Variants in AGBL4 observed in about 807,000 individuals in gnomAD.
The protein encoded by AGBL4 is cytosolic carboxypeptidase 6.
In AGBL4, 58 loss-of-function variants were observed where a neutral mutation model predicts 66.4. That is an observed-to-expected ratio of 0.87 (90% confidence interval 0.71 to 1.09). AGBL4 has a LOEUF of 1.09. AGBL4 is among the 50% of genes least tolerant of loss of function. AGBL4 has a pLI of 0.00. For synonymous variants in AGBL4, 234 were observed against 222.9 expected, an observed-to-expected ratio of 1.05 and a Z score of -0.44; for missense variants, 579 against 631.0, an observed-to-expected ratio of 0.92 and a Z score of 0.88.
intron 3 of AGBL4, among the ~76,000 whole-genome samples, chr1:49,368,680 C>G (rs1206404725): frequency 6.6e-6 from 1 of 152,172 alleles, no homozygotes; most frequent in Non-Finnish European, 1.5e-5. Flanking sequence ...CCTATCAAAG[C>G]AATCTGTGGG....
In AGBL4 at chr1:48,583,099, G is replaced by A. The variant is rs76106447; in HGVS notation, c.1267+3905C>T. ...ACAGAAACAAGAAACTCCATCAGTGGAACGGCACATCTCCCACTGTGTGAA... is the reference window on the plus strand; with the variant it reads ...ACAGAAACAAGAAACTCCATCAGTGAAACGGCACATCTCCCACTGTGTGAA... On this transcript the variant is annotated intron_variant, in intron 11 of 13. Transcript: ENST00000371839. Among the ~76,000 whole-genome samples, 40 of 152,300 alleles carry A rather than the reference G, an allele frequency of 2.6e-4. No individual in the cohort carries two copies. In the East Asian group the frequency reaches 7.7e-3, roughly 29 times the overall value.
intron 1 of AGBL4, among the ~76,000 whole-genome samples, chr1:49,875,387 A>T (rs1269004778): frequency 7.7e-6 from 1 of 130,608 alleles, no homozygotes; most frequent in Admixed American, 8.2e-5. Context: ...ATTCCCACCT[A>T]TGAGTGAGAA....
chr1:48,610,143 G>T (rs188202703), intron 9 of AGBL4, among the ~76,000 whole-genome samples: 2 of 152,220 alleles, frequency 1.3e-5, no homozygotes, highest in Admixed American at 1.3e-4. Context: ...AAAAGAGCAC[G>T]TGCCTAGTGG....
At chr1:49,741,090 CA>C (rs1263842961) in intron 2 of AGBL4, among the ~76,000 whole-genome samples, 1 of 151,950 alleles carries the variant, frequency 6.6e-6, no homozygotes, top group South Asian at 2.1e-4. Flanking sequence ...AAAAACCCTT[CA>C]AAAAATCAAT....
chr1:48,869,571 G>A (rs1175827355), intron 5 of AGBL4, among the ~76,000 whole-genome samples: 3 of 152,190 alleles, frequency 2.0e-5, no homozygotes, highest in Admixed American at 2.0e-4. Context: ...AAAAAGGGAA[G>A]AAAAGCTGAC....
chr1:49,321,111 C>G (rs778536951), intron 3 of AGBL4, among the ~76,000 whole-genome samples: 2 of 152,060 alleles, frequency 1.3e-5, no homozygotes, highest in African/African-American at 2.4e-5. Flanking sequence ...GATAAATAAT[C>G]TTACTCACTA....
At chr1:48,647,956 C>A (rs1160500100) in intron 8 of AGBL4, among the ~76,000 whole-genome samples, 3 of 152,164 alleles carry the variant, frequency 2.0e-5, no homozygotes, top group African/African-American at 4.8e-5. Context: ...CAATATTCAT[C>A]CCTCAAGACT....
intron 9 of AGBL4, among the ~76,000 whole-genome samples, chr1:48,633,525 C>T (rs1000464127): frequency 6.6e-6 from 1 of 152,138 alleles, no homozygotes; most frequent in Non-Finnish European, 1.5e-5. Context: ...AATTGAGTCT[C>T]CTCTGTGCAC....
At chr1:49,699,393 T>A (rs1254033615) in intron 2 of AGBL4, among the ~76,000 whole-genome samples, 3 of 152,046 alleles carry the variant, frequency 2.0e-5, no homozygotes, top group Admixed American at 6.6e-5. Context: ...TGGAAATAAC[T>A]ATTTCAGAAT....
intron 2 of AGBL4, among the ~76,000 whole-genome samples, chr1:49,739,258 G>A (rs1180667545): frequency 6.6e-6 from 1 of 152,168 alleles, no homozygotes; most frequent in Admixed American, 6.5e-5. Flanking sequence ...CATGAGGAAT[G>A]CACAAGCCTC....
At chr1:49,156,973 A>C in intron 4 of AGBL4, among the ~76,000 whole-genome samples, 1 of 152,186 alleles carries the variant, frequency 6.6e-6, no homozygotes, top group East Asian at 1.9e-4. Flanking sequence ...AAATAATTTG[A>C]TTTAATTTAG....
At chr1:49,449,338 A>C (rs943168112) in intron 3 of AGBL4, among the ~76,000 whole-genome samples, 2 of 152,094 alleles carry the variant, frequency 1.3e-5, no homozygotes, top group Admixed American at 6.5e-5. Context: ...AGGAGTGGTC[A>C]CAGTGATATC....
chr1:48,874,555 C>T (rs979473276), intron 5 of AGBL4, among the ~76,000 whole-genome samples: 1 of 152,120 alleles, frequency 6.6e-6, no homozygotes, highest in Non-Finnish European at 1.5e-5. Context: ...AAAATCTCCA[C>T]GAGTTGTATG....
chr1:49,037,589 C>A (rs1404879690), intron 5 of AGBL4, among the ~76,000 whole-genome samples: 2 of 152,094 alleles, frequency 1.3e-5, no homozygotes, highest in Non-Finnish European at 2.9e-5. Context: ...CCATGCAACA[C>A]TGTCAGGACA....
chr1:48,747,088 T>C (rs1650888049), intron 6 of AGBL4, among the ~76,000 whole-genome samples: 2 of 152,234 alleles, frequency 1.3e-5, no homozygotes, highest in Non-Finnish European at 2.9e-5. Context: ...CTGTTTTGCT[T>C]TTAAAAAATT....
At chr1:49,833,197 C>T (rs957654101) in intron 2 of AGBL4, among the ~76,000 whole-genome samples, 1 of 152,202 alleles carries the variant, frequency 6.6e-6, no homozygotes, top group Admixed American at 6.5e-5. Flanking sequence ...GATCCAATTT[C>T]AGCTTTCTAC....
At chr1:48,820,534 C>A (rs1249165603) in intron 6 of AGBL4, among the ~76,000 whole-genome samples, 1 of 152,108 alleles carries the variant, frequency 6.6e-6, no homozygotes, top group African/African-American at 2.4e-5. Flanking sequence ...AGTCTGAATA[C>A]AACAAAAGGC....
Position 48,587,097 on chromosome 1 carries a change from C to A in AGBL4, c.1174G>T (p.Asp392Tyr). 1 of 1,590,528 alleles carries A rather than the reference C, an allele frequency of 6.3e-7. No individual in the cohort carries two copies. The highest frequency in any genetic ancestry group is 2.3e-5 in the East Asian group (1 of 43,778). Residue 392 changes from aspartate (D) to tyrosine (Y), a missense_variant, in exon 11 of 14, where the codon GAC becomes TAC. Coordinates refer to ENST00000371839, the MANE Select transcript of AGBL4 (RefSeq NM_032785.4). ...AGGGTGTAGCAATAGGAAGTGTGGT[C>A]CAGGAGTCCACCGAGGAAGCGACGG... ...TGRRFLGGLL[D>Y]HTSYCYTLEV...
At chr1:48,742,980 C>T (rs1650153792) in intron 6 of AGBL4, among the ~76,000 whole-genome samples, 1 of 152,140 alleles carries the variant, frequency 6.6e-6, no homozygotes, top group African/African-American at 2.4e-5. Context: ...CAAGAGTGGA[C>T]TAGACTCTAA....
Sources: allele counts gnomAD v4.1 joint callset (sites outside exome capture counted in the v4.1 genomes callset), GRCh38; gene constraint gnomAD v4.1.1; transcripts MANE v1.5; gene names NCBI Gene and HGNC (gene_info 2026-07-23, HGNC 2026-07-21).